Variants in RANBP2 observed in about 807,000 individuals in gnomAD.
RANBP2 encodes the protein E3 SUMO-protein ligase RanBP2.
Under a neutral mutation model 303.6 loss-of-function variants are expected in RANBP2, and 57 were observed. That is an observed-to-expected ratio of 0.19 (90% confidence interval 0.15 to 0.23). The LOEUF (loss-of-function observed/expected upper bound fraction) is 0.23. RANBP2 is among the 10% of genes least tolerant of loss of function. RANBP2 has a pLI of 1.00. For synonymous variants in RANBP2, 1,167 were observed against 1,301.5 expected, an observed-to-expected ratio of 0.90 and a Z score of 2.23; for missense variants, 3,138 against 3,780.8, an observed-to-expected ratio of 0.83 and a Z score of 4.46.
chr2:109,676,969 G>C, the RANBP2 span, among the ~76,000 whole-genome samples: 1 of 151,728 alleles, frequency 6.6e-6, no homozygotes, highest in South Asian at 2.1e-4. Context: ...TTTTTTTTCC[G>C]AAGCTGGAAT....
Position 108,765,631 on chromosome 2 carries a change from ACTT to A in RANBP2, c.5095_5097del (p.Ser1699del), listed in dbSNP as rs1553496270. On this transcript the variant is annotated inframe_deletion, in exon 20 of 29. Coordinates refer to ENST00000283195, the MANE Select transcript of RANBP2 (RefSeq NM_006267.5). ...GAATCCAGGTAAACAAAATCAAACT[ACTT>A]CTGCAGTTTCAACACCTGCCTCTTC... The A allele has an allele frequency of 1.5e-6, 2 of 1,325,864 alleles. No individual in the cohort carries two copies. The highest frequency in any genetic ancestry group is 1.2e-5 in the South Asian group (1 of 84,112). 82.1% of individuals were successfully genotyped at this position (1,325,864 alleles called of 1,614,324 possible).
chr2:109,126,346 A>G, the RANBP2 span, among the ~76,000 whole-genome samples: 1 of 152,178 alleles, frequency 6.6e-6, no homozygotes, highest in Admixed American at 6.5e-5. Flanking sequence ...TGCAAGATAA[A>G]GATGTACTGA....
the RANBP2 span, among the ~76,000 whole-genome samples, chr2:109,067,661 C>T: frequency 6.6e-6 from 1 of 152,318 alleles, no homozygotes; most frequent in Admixed American, 6.5e-5. Flanking sequence ...TAGATGTTGC[C>T]AGCTGACTGG....
the RANBP2 span, among the ~76,000 whole-genome samples, chr2:108,828,014 T>C: frequency 6.6e-6 from 1 of 151,726 alleles, no homozygotes; most frequent in Non-Finnish European, 1.5e-5. Context: ...CAAAAACAGA[T>C]CCAAACTTGT....
At chr2:109,129,326 TGGCCGGTCCCCGCCACGCA>T in the RANBP2 span, 764,502 of 775,478 alleles carry the variant, frequency 0.99, 377,429 homozygotes, top group Non-Finnish European at 1. Flanking sequence ...CGGGCTCGGC[TGGCCGGTCCCCGCCACGCA>T]GGCCGGTCCC....
the RANBP2 span, among the ~76,000 whole-genome samples, chr2:109,393,493 CAG>C: frequency 6.6e-6 from 1 of 152,200 alleles, no homozygotes; most frequent in African/African-American, 2.4e-5. Flanking sequence ...GAAACTCTTT[CAG>C]AGCAGGTCTT....
At position 108,783,739 on chromosome 2, in the gene RANBP2, A is replaced by G; in HGVS notation, c.9513A>G (p.Gln3171=). The G allele has an allele frequency of 3.1e-6, 5 of 1,613,372 alleles. No individual in the cohort carries two copies. Among genetic ancestry groups the G allele is most frequent in the Middle Eastern group, 1.7e-4 (1 of 6,058 alleles). The change falls in exon 29 of 29, where the codon CAA becomes CAG. Residue 3171 remains glutamine, a synonymous_variant. Transcript: ENST00000283195. ...AAGGCCAGAATACCAATAATTCTCAATTTGTTATAACACTGAAGAAAGCAG... is the reference window on the plus strand; with the variant it reads ...AAGGCCAGAATACCAATAATTCTCAGTTTGTTATAACACTGAAGAAAGCAG... ...ANQGQNTNNS[Q]FVITLKKAEH... is the part of the protein sequence containing the mutation.
At chr2:109,118,408 G>A in the RANBP2 span, among the ~76,000 whole-genome samples, 3 of 151,768 alleles carry the variant, frequency 2.0e-5, no homozygotes, top group Non-Finnish European at 4.4e-5. Context: ...CATTAGCTGC[G>A]GGGGTCTGCC....
the RANBP2 span, among the ~76,000 whole-genome samples, chr2:108,952,569 A>T: frequency 6.6e-6 from 1 of 152,236 alleles, no homozygotes; most frequent in Admixed American, 6.5e-5. Context: ...TTTTTAAAAA[A>T]TACTTTCACT....
the RANBP2 span, among the ~76,000 whole-genome samples, chr2:109,331,487 C>T: frequency 1.2e-4 from 18 of 152,088 alleles, no homozygotes; most frequent in African/African-American, 3.4e-4. Flanking sequence ...AGGGCTCCCG[C>T]GTCTACTCCT....
At chr2:109,164,047 A>G in the RANBP2 span, among the ~76,000 whole-genome samples, 4 of 152,096 alleles carry the variant, frequency 2.6e-5, no homozygotes, top group African/African-American at 9.7e-5. Context: ...TTTTGTATTT[A>G]TAAATTTGCT....
the RANBP2 span, among the ~76,000 whole-genome samples, chr2:109,189,464 G>C: frequency 6.6e-6 from 1 of 151,790 alleles, no homozygotes; most frequent in South Asian, 2.1e-4. Context: ...TGCCTCCTGG[G>C]TTCAAGCAAT....
At chr2:108,960,140 C>T in the RANBP2 span, among the ~76,000 whole-genome samples, 4 of 152,124 alleles carry the variant, frequency 2.6e-5, no homozygotes, top group African/African-American at 7.2e-5. Flanking sequence ...CTAAGAGGAG[C>T]GGGGTGGGGA....
chr2:108,798,545 GT>G, the RANBP2 span: 1 of 1,613,486 alleles, frequency 6.2e-7, no homozygotes, highest in Non-Finnish European at 8.5e-7. Flanking sequence ...AATTAAAGGT[GT>G]TGAAGAAGAG....
chr2:109,518,178 T>G, the RANBP2 span, among the ~76,000 whole-genome samples: 1 of 152,236 alleles, frequency 6.6e-6, no homozygotes, highest in Non-Finnish European at 1.5e-5. Flanking sequence ...CAATTGTTTC[T>G]TTTCTGGTTT....
chr2:109,269,113 T>C, the RANBP2 span, among the ~76,000 whole-genome samples: 2 of 152,312 alleles, frequency 1.3e-5, no homozygotes, highest in African/African-American at 4.8e-5. Context: ...GCACGTGGAT[T>C]TTGTGCTGAG....
At chr2:109,382,831 G>A in the RANBP2 span, among the ~76,000 whole-genome samples, 75 of 152,338 alleles carry the variant, frequency 4.9e-4, 1 homozygote, top group South Asian at 0.015. Flanking sequence ...GATTCCTAGT[G>A]CAGAGACATT....
At chr2:108,753,615 T>G (rs774974600) in intron 14 of RANBP2, 52 bp downstream of exon 14, 2 of 1,593,708 alleles carry the variant, frequency 1.3e-6, no homozygotes. Flanking sequence ...ATTTATTATT[T>G]TTTTAAAAGA....
chr2:108,970,053 GA>G, the RANBP2 span, among the ~76,000 whole-genome samples: 1 of 152,208 alleles, frequency 6.6e-6, no homozygotes, highest in Non-Finnish European at 1.5e-5. Flanking sequence ...ATGACGTGAT[GA>G]GTCTGGCTAA....
Sources: gnomAD v4.1 joint callset for allele counts (sites outside exome capture counted in the v4.1 genomes callset) on GRCh38, gnomAD v4.1.1 for gene constraint, MANE v1.5 for transcripts, NCBI Gene and HGNC (gene_info 2026-07-23, HGNC 2026-07-21) for gene names.